Variants in SERPINA9 observed in about 807,000 individuals in gnomAD.
SERPINA9 encodes serpin A9.
SERPINA9 carries 32 observed loss-of-function variants against 24.5 expected under a neutral mutation model. The observed-to-expected ratio is 1.30, with a 90% CI of 0.98 to 1.75. SERPINA9 has a LOEUF of 1.75. Among genes scored for constraint, SERPINA9 ranks in the 40% most tolerant of loss-of-function variants. The pLI, the probability that SERPINA9 is intolerant of heterozygous loss-of-function variation, is 0.00. For synonymous variants in SERPINA9, 233 were observed against 197.7 expected, an observed-to-expected ratio of 1.18 and a Z score of -1.50; for missense variants, 594 against 497.1, an observed-to-expected ratio of 1.19 and a Z score of -1.85.
At chr14:94,467,830 C>A (rs1899085488) in intron 2 of SERPINA9, among the ~76,000 whole-genome samples, 1 of 148,234 alleles carries the variant, frequency 6.7e-6, no homozygotes, top group East Asian at 2.0e-4. Flanking sequence ...GATGGATGAA[C>A]CGATAGAGGG....
In SERPINA9 at chr14:94,467,136, C is replaced by T; in HGVS notation, c.875G>A (p.Arg292Lys). 1 of 1,613,926 alleles carries T rather than the reference C, an allele frequency of 6.2e-7. No homozygotes were observed. Residue 292 changes from arginine (R) to lysine (K), a missense_variant, in exon 3 of 5, where the codon AGA becomes AAA. Coordinates refer to ENST00000674397, the MANE Select transcript of SERPINA9 (RefSeq NM_175739.4). ...TTTCTGGAGTGAGTGGCTCCACTTT[C>T]TCAGTGTTCTGGCTGACAAGGCCTG... ...LEQALSARTL[R>K]KWSHSLQKRW...
intron 1 of SERPINA9, among the ~76,000 whole-genome samples, chr14:94,470,877 C>T (rs1899282408): frequency 6.6e-6 from 1 of 152,158 alleles, no homozygotes; most frequent in Non-Finnish European, 1.5e-5. Context: ...TTTCCTTTAA[C>T]ACAACTTTAC....
rs1167935139 is a variant in SERPINA9, at chr14:94,467,291, C to T, written c.720G>A (p.Met240Ile). ...GEQVTVHVPM[M>I]HQKEQFAFGV... ...CAAAAGCGAACTGCTCTTTCTGGTG[C>T]ATCATGGGGACATGCACAGTGACCT... The change falls in exon 3 of 5, where the codon ATG (methionine) becomes ATA (isoleucine). Residue 240 changes from methionine to isoleucine, a missense_variant. Coordinates refer to ENST00000674397, the MANE Select transcript of SERPINA9 (RefSeq NM_175739.4). The T allele has an allele frequency of 1.9e-6, 3 of 1,614,134 alleles. No individual in the cohort carries two copies. In the Admixed American group the frequency reaches 5.0e-5, roughly 27 times the overall value.
At chr14:94,464,619 T>C (rs12891900) in intron 4 of SERPINA9, 88 bp downstream of exon 4, 456,864 of 1,195,972 alleles carry the variant, frequency 0.38, 90,763 homozygotes, top group Non-Finnish European at 0.41. Context: ...CAGGCCTCTG[T>C]TTCCTTATCA....
chr14:94,473,801 C>T (rs1899442342), intron 1 of SERPINA9, among the ~76,000 whole-genome samples: 1 of 152,204 alleles, frequency 6.6e-6, no homozygotes, highest in Admixed American at 6.5e-5. Context: ...AGAGCCTAAG[C>T]AAGATCATGG....
At chr14:94,476,061 A>C in intron 1 of SERPINA9, 75 bp downstream of exon 1, 2 of 1,608,176 alleles carry the variant, frequency 1.2e-6, no homozygotes, top group Non-Finnish European at 8.5e-7. Context: ...ACTGAAGACC[A>C]TGCTCTGATC....
At chr14:94,464,396 G>A in intron 4 of SERPINA9, 1 of 460,488 alleles carries the variant, frequency 2.2e-6, no homozygotes, top group Admixed American at 3.9e-5. Context: ...ATGCCTGTGT[G>A]AGGGCCTAAA....
chr14:94,476,129 T>A lies in SERPINA9; in HGVS notation c.-18+7A>T. On this transcript the variant is annotated splice_region_variant and intron_variant, in intron 1 of 4. Coordinates refer to ENST00000674397, the MANE Select transcript of SERPINA9 (RefSeq NM_175739.4). ...TCCCGATCTCTCTGCACCTCCTCCT[T>A]ACCCACCTTTGCAGGTTCCTCTTCT... The A allele has an allele frequency of 6.2e-7, 1 of 1,614,146 alleles. No individual in the cohort carries two copies.
In SERPINA9 at chr14:94,468,445, T is replaced by C. The variant is rs138440216; in HGVS notation, c.628+768A>G. Among the ~76,000 whole-genome samples, 172 of 152,266 alleles carry C rather than the reference T, an allele frequency of 1.1e-3. 2 individuals are homozygous for C. The highest frequency in any genetic ancestry group is 3.8e-3 in the African/African-American group (159 of 41,542). ...ATGATACGGTGGCATCCATGAAAAC[T>C]CTGCCTGGAGATGCCAGGCACTTCT... On this transcript the variant is annotated intron_variant, in intron 2 of 4. Transcript: ENST00000674397.
intron 1 of SERPINA9, among the ~76,000 whole-genome samples, chr14:94,475,719 A>G (rs1899589060): frequency 1.3e-5 from 2 of 152,126 alleles, no homozygotes; most frequent in East Asian, 1.9e-4. Context: ...CTGCACTTAA[A>G]CACTCCCTCT....
At chr14:94,475,980 C>A (rs773778290) in intron 1 of SERPINA9, 156 bp downstream of exon 1, 1 of 1,100,002 alleles carries the variant, frequency 9.1e-7, no homozygotes, top group Non-Finnish European at 1.3e-6. Context: ...AAAAATGTGA[C>A]CCAGATGCTA....
chr14:94,472,590 A>G (rs1899374044), intron 1 of SERPINA9, among the ~76,000 whole-genome samples: 2 of 151,846 alleles, frequency 1.3e-5, no homozygotes, highest in South Asian at 4.2e-4. Flanking sequence ...CAGGTACTAT[A>G]GGAGGTGTTG....
chr14:94,474,386 T>C (rs8023210), intron 1 of SERPINA9, among the ~76,000 whole-genome samples: 1 of 152,212 alleles, frequency 6.6e-6, no homozygotes, highest in Non-Finnish European at 1.5e-5. Context: ...GTAAATGTCC[T>C]GAGTCATCGA....
intron 1 of SERPINA9, among the ~76,000 whole-genome samples, chr14:94,475,107 T>G (rs1457850560): frequency 2.6e-5 from 4 of 152,230 alleles, no homozygotes; most frequent in Non-Finnish European, 5.9e-5. Context: ...CATTTTAATC[T>G]ACTGTGCTTC....
chr14:94,469,823 A>G lies in SERPINA9; in HGVS notation c.18T>C (p.Tyr6=). MASYL[Y]GVLFAVGLCA... ...AGAGGCCAACAGCAAAGAGTACTCC[A>G]TAAAGGTAAGATGCCATTTTGGAAC... The change falls in exon 2 of 5, where the codon TAT becomes TAC. Residue 6 remains tyrosine (Y), a synonymous_variant. Transcript: ENST00000674397. The G allele has an allele frequency of 1.3e-6, 2 of 1,514,838 alleles. No individual in the cohort carries two copies. Among genetic ancestry groups the G allele is most frequent in the East Asian group, 2.3e-5 (1 of 43,978 alleles). 93.8% of individuals were successfully genotyped at this position (1,514,838 alleles called of 1,614,324 possible).
At chr14:94,476,090 C>A in intron 1 of SERPINA9, 46 bp downstream of exon 1, 2 of 1,613,906 alleles carry the variant, frequency 1.2e-6, no homozygotes, top group Non-Finnish European at 1.7e-6. Flanking sequence ...CCCTCTGGCT[C>A]AGTGACACCA....
At chr14:94,474,672 T>C (rs752545361) in intron 1 of SERPINA9, among the ~76,000 whole-genome samples, 42 of 152,150 alleles carry the variant, frequency 2.8e-4, no homozygotes, top group Non-Finnish European at 4.6e-4. Flanking sequence ...GCCCCTCTTT[T>C]GGCTGTGGCC....
chr14:94,467,414 T>C (rs780668634), intron 2 of SERPINA9, 32 bp from the exon 3 acceptor site: 1 of 1,561,000 alleles, frequency 6.4e-7, no homozygotes, highest in Non-Finnish European at 8.7e-7. Context: ...AGTCTTTATG[T>C]CAAAGTACAA....
intron 4 of SERPINA9, 147 bp downstream of exon 4, chr14:94,464,560 G>C (rs1218725570): frequency 4.6e-6 from 3 of 652,302 alleles, no homozygotes; most frequent in Non-Finnish European, 7.8e-6. Context: ...GTGGCCATAG[G>C]CCGCAAGATT....
Sources: allele counts gnomAD v4.1 joint callset (sites outside exome capture counted in the v4.1 genomes callset), GRCh38; gene constraint gnomAD v4.1.1; transcripts MANE v1.5; gene names NCBI Gene and HGNC (gene_info 2026-07-23, HGNC 2026-07-21).